Variants in SPON1 observed in about 807,000 individuals in gnomAD.
SPON1 encodes the protein spondin 1.
Under a neutral mutation model 111.7 loss-of-function variants are expected in SPON1, and 52 were observed. The ratio of observed to expected loss-of-function variants is 0.47; its 90% confidence interval spans 0.37 to 0.59. The LOEUF is 0.59. Ranked by LOEUF, SPON1 falls within the 20% of genes least tolerant of loss-of-function variation. The probability of loss-of-function intolerance (pLI) is 0.00; values close to 1 mark genes in which losing one functional copy is unlikely to be tolerated. For missense variants in SPON1, 957 were observed against 1,068.5 expected, an observed-to-expected ratio of 0.90 and a Z score of 1.46; for synonymous variants, 410 against 395.8, an observed-to-expected ratio of 1.04 and a Z score of -0.43.
chr11:14,042,905 G>A (rs1181761931), intron 3 of SPON1, among the ~76,000 whole-genome samples: 1 of 152,100 alleles, frequency 6.6e-6, no homozygotes, highest in Non-Finnish European at 1.5e-5. Flanking sequence ...TCCCTTTGCC[G>A]CCATCTGTCT....
chr11:14,173,876 C>A (rs1848140429), intron 6 of SPON1, among the ~76,000 whole-genome samples: 1 of 149,220 alleles, frequency 6.7e-6, no homozygotes, highest in African/African-American at 2.5e-5. Context: ...GAGCACCTGG[C>A]CGTGTGAGGT....
chr11:14,100,115 A>G (rs1266221087), intron 5 of SPON1, among the ~76,000 whole-genome samples: 1 of 150,866 alleles, frequency 6.6e-6, no homozygotes, highest in African/African-American at 2.4e-5. Context: ...TGTGTTATAT[A>G]TAATTTCTGC....
chr11:14,202,677 C>T (rs1188499743), intron 6 of SPON1, among the ~76,000 whole-genome samples: 1 of 152,206 alleles, frequency 6.6e-6, no homozygotes, highest in Non-Finnish European at 1.5e-5. Flanking sequence ...TTCAATCATG[C>T]CAGACCCGGT....
chr11:14,191,003 T>A (rs1554934502), intron 6 of SPON1, among the ~76,000 whole-genome samples: 31 of 151,502 alleles, frequency 2.0e-4, no homozygotes, highest in African/African-American at 7.3e-4. Context: ...TACAATCCCA[T>A]CACTTGGTAT....
At chr11:14,067,554 A>C (rs1269043531) in intron 3 of SPON1, among the ~76,000 whole-genome samples, 4 of 152,166 alleles carry the variant, frequency 2.6e-5, no homozygotes, top group Non-Finnish European at 5.9e-5. Flanking sequence ...GGGAAAGTCC[A>C]TGGTGGGTCA....
intron 5 of SPON1, among the ~76,000 whole-genome samples, chr11:14,132,277 C>T (rs1357277280): frequency 7.3e-6 from 1 of 137,800 alleles, no homozygotes; most frequent in Admixed American, 7.3e-5. Flanking sequence ...GACTCCGTCT[C>T]AAAAAAAAAA....
rs782066089 is a variant in SPON1, at chr11:14,041,509, GGTTTTCC to G, written c.346-9_346-3del. On this transcript the variant is annotated splice_region_variant and splice_polypyrimidine_tract_variant and intron_variant, in intron 2 of 15. Coordinates refer to ENST00000576479, the MANE Select transcript of SPON1 (RefSeq NM_006108.4). Reference sequence around the variant, plus strand: ...ATGTTGCATGTATTTATTTCCCACTGGTTTTCCGTAGATCATAGACGAAGAAGAAACT... The same window carrying G: ...ATGTTGCATGTATTTATTTCCCACTGGTAGATCATAGACGAAGAAGAAACT... 23 of 1,613,274 alleles carry G rather than the reference GGTTTTCC, an allele frequency of 1.4e-5. No individual in the cohort carries two copies. The Admixed American group carries it at 3.2e-4, about 22-fold the overall frequency.
chr11:13,998,911 G>C (rs905201854), intron 2 of SPON1, among the ~76,000 whole-genome samples: 1 of 152,082 alleles, frequency 6.6e-6, no homozygotes, highest in African/African-American at 2.4e-5. Context: ...ATGCAAAAAA[G>C]AACTTTTTCA....
chr11:14,139,421 T>C (rs781789320), intron 6 of SPON1, among the ~76,000 whole-genome samples: 39 of 152,230 alleles, frequency 2.6e-4, no homozygotes, highest in Non-Finnish European at 5.9e-5. Flanking sequence ...CACTTACATA[T>C]TTCTTTGATG....
At chr11:13,997,959 C>T (rs1457024184) in intron 2 of SPON1, among the ~76,000 whole-genome samples, 2 of 152,078 alleles carry the variant, frequency 1.3e-5, no homozygotes, top group East Asian at 1.9e-4. Flanking sequence ...CTAGTTGCTT[C>T]GTATACTTTA....
At chr11:14,097,704 T>C (rs1849112598) in intron 5 of SPON1, among the ~76,000 whole-genome samples, 2 of 152,096 alleles carry the variant, frequency 1.3e-5, no homozygotes, top group South Asian at 2.1e-4. Flanking sequence ...CTTGAACCCA[T>C]GGTTAAGGCC....
intron 6 of SPON1, among the ~76,000 whole-genome samples, chr11:14,182,436 TATATAAAATCTACAAATACCTGTC>T (rs1848244234): frequency 6.6e-6 from 1 of 152,164 alleles, no homozygotes; most frequent in Non-Finnish European, 1.5e-5. Context: ...TGTGGGCTGT[TATATAAAATCTACAAATACCTGTC>T]ATTCAGTCCA....
intron 7 of SPON1, among the ~76,000 whole-genome samples, chr11:14,254,021 T>G (rs1327793682): frequency 6.6e-6 from 1 of 152,178 alleles, no homozygotes; most frequent in Non-Finnish European, 1.5e-5. Flanking sequence ...TCCCAGCAAC[T>G]GGGGGTGTCG....
chr11:14,116,319 G>A lies in SPON1; in HGVS notation c.677-19101G>A, dbSNP rs551892691. ...TTAAGAAGTTTTTGCCTACCTCAAA[G>A]TCGTGAAGATGTTCTCTTGTATTTC... On this transcript the variant is annotated intron_variant, in intron 5 of 15. Transcript: ENST00000576479. 2.0e-5 allele frequency among the ~76,000 whole-genome samples: 3 copies of A among 152,168 alleles called. No individual in the cohort carries two copies. The South Asian group carries it at 6.2e-4, about 32-fold the overall frequency.
At chr11:14,083,642 A>C (rs552080949) in intron 5 of SPON1, among the ~76,000 whole-genome samples, 2 of 152,360 alleles carry the variant, frequency 1.3e-5, no homozygotes, top group South Asian at 4.1e-4. Flanking sequence ...GTGTTGACAC[A>C]GTTCATTAAA....
At chr11:13,997,646 G>A (rs1241042741) in intron 2 of SPON1, among the ~76,000 whole-genome samples, 3 of 152,224 alleles carry the variant, frequency 2.0e-5, no homozygotes, top group African/African-American at 7.2e-5. Flanking sequence ...TGTCAAAGGT[G>A]TAACTACTAG....
chr11:13,976,223 T>C (rs1848102454), intron 1 of SPON1, among the ~76,000 whole-genome samples: 1 of 152,236 alleles, frequency 6.6e-6, no homozygotes, highest in African/African-American at 2.4e-5. Context: ...AATTCCTTTT[T>C]TTTAATCCTT....
intron 5 of SPON1, among the ~76,000 whole-genome samples, chr11:14,100,087 A>C (rs1440436839): frequency 6.6e-6 from 1 of 151,606 alleles, no homozygotes; most frequent in Admixed American, 6.6e-5. Flanking sequence ...AAACATCCAA[A>C]CCATATCAGT....
At chr11:14,036,137 G>A (rs1322860088) in intron 2 of SPON1, among the ~76,000 whole-genome samples, 2 of 152,184 alleles carry the variant, frequency 1.3e-5, no homozygotes, top group African/African-American at 4.8e-5. Context: ...CTCTGTGTAG[G>A]ATTTCAGTCT....
Sources: allele counts gnomAD v4.1 joint callset (sites outside exome capture counted in the v4.1 genomes callset), GRCh38; gene constraint gnomAD v4.1.1; transcripts MANE v1.5; gene names NCBI Gene and HGNC (gene_info 2026-07-23, HGNC 2026-07-21).